Variants in ERBIN observed in about 807,000 individuals in gnomAD.
ERBIN encodes erbb2 interacting protein.
Under a neutral mutation model 158.4 loss-of-function variants are expected in ERBIN, and 60 were observed. That is an observed-to-expected ratio of 0.38 (90% confidence interval 0.31 to 0.47). The LOEUF (loss-of-function observed/expected upper bound fraction) is 0.47. Ranked by LOEUF, ERBIN falls within the 20% of genes least tolerant of loss-of-function variation. The pLI is 0.99. For synonymous variants in ERBIN, 594 were observed against 557.2 expected, an observed-to-expected ratio of 1.07 and a Z score of -0.93; for missense variants, 1,610 against 1,648.0, an observed-to-expected ratio of 0.98 and a Z score of 0.40.
intron 14 of ERBIN, among the ~76,000 whole-genome samples, chr5:66,034,857 A>G (rs1055657372): frequency 6.6e-6 from 1 of 152,206 alleles, no homozygotes; most frequent in Non-Finnish European, 1.5e-5. Context: ...TAATGCAGCA[A>G]AGAGGTCTTG....
intron 14 of ERBIN, among the ~76,000 whole-genome samples, chr5:66,035,216 A>G (rs963325402): frequency 5.9e-5 from 9 of 152,150 alleles, no homozygotes; most frequent in Admixed American, 5.2e-4. Context: ...ATTCTTAACA[A>G]TATCTTCAGC....
intron 4 of ERBIN, 32 bp from the exon 5 acceptor site, chr5:66,012,017 A>G: frequency 7.3e-7 from 1 of 1,375,842 alleles, no homozygotes; most frequent in Non-Finnish European, 1.0e-6. Flanking sequence ...TTTGTAATAG[A>G]TCTTTTAATT....
At chr5:66,036,514 C>T (rs1393594357) in intron 14 of ERBIN, among the ~76,000 whole-genome samples, 6 of 152,186 alleles carry the variant, frequency 3.9e-5, no homozygotes, top group Non-Finnish European at 7.3e-5. Flanking sequence ...CTTTGCTAAT[C>T]ATTCAAGATA....
At chr5:65,987,557 G>C (rs2151033044) in intron 1 of ERBIN, among the ~76,000 whole-genome samples, 1 of 151,856 alleles carries the variant, frequency 6.6e-6, no homozygotes, top group Middle Eastern at 3.4e-3. Context: ...GCAAGACCCT[G>C]TCTCAAAAAA....
At chr5:66,019,364 C>G (rs1385240456) in intron 7 of ERBIN, among the ~76,000 whole-genome samples, 1 of 152,112 alleles carries the variant, frequency 6.6e-6, no homozygotes, top group Non-Finnish European at 1.5e-5. Flanking sequence ...TTAATGCTAC[C>G]TAAAGAATAC....
chr5:66,029,511 C>T (rs1383458341), intron 14 of ERBIN, among the ~76,000 whole-genome samples: 4 of 152,048 alleles, frequency 2.6e-5, no homozygotes, highest in Non-Finnish European at 5.9e-5. Flanking sequence ...TAAAGAAACC[C>T]GCAAGGATTC....
At chr5:66,048,818 G>A (rs1227963122) in intron 19 of ERBIN, 37 bp downstream of exon 19, 2 of 1,224,932 alleles carry the variant, frequency 1.6e-6, no homozygotes, top group African/African-American at 1.6e-5. Flanking sequence ...AATAGAAATT[G>A]CCTCAATAAA....
intron 3 of ERBIN, among the ~76,000 whole-genome samples, chr5:65,994,268 A>T (rs542767680): frequency 1.3e-5 from 2 of 152,296 alleles, no homozygotes; most frequent in African/African-American, 4.8e-5. Flanking sequence ...TCCTTCTCTA[A>T]TCACCACCAG....
In ERBIN at chr5:66,081,732, T is replaced by G. The variant is rs1349298317; in HGVS notation, c.*3202T>G. The stretch of plus-strand genomic sequence containing the variant: ...TGGGAAATGTTTCTCTGATGGAGAT[T>G]GACGTGTGAAATCTATTTGGAAGGG... On this transcript the variant is annotated 3_prime_UTR_variant, in exon 26 of 26. Transcript: ENST00000284037. The G allele has an allele frequency of 6.6e-6, 1 of 152,130 alleles. No individual in the cohort carries two copies. Among genetic ancestry groups the G allele is most frequent in the South Asian group, 2.1e-4 (1 of 4,834 alleles). 9.4% of individuals were successfully genotyped at this position (152,130 alleles called of 1,614,324 possible).
intron 21 of ERBIN, among the ~76,000 whole-genome samples, chr5:66,063,416 C>T (rs185818682): frequency 2.3e-3 from 357 of 152,272 alleles, no homozygotes; most frequent in African/African-American, 7.9e-3. Context: ...AGGAGTGACC[C>T]GATTTTCCAG....
intron 1 of ERBIN, among the ~76,000 whole-genome samples, chr5:65,949,498 A>G (rs1040465621): frequency 4.6e-5 from 7 of 152,238 alleles, no homozygotes; most frequent in South Asian, 4.1e-4. Flanking sequence ...ATGTTGGGAT[A>G]TGAGTGCTGC....
chr5:66,072,649 A>G (rs1761632387), intron 22 of ERBIN, among the ~76,000 whole-genome samples: 1 of 152,166 alleles, frequency 6.6e-6, no homozygotes, highest in Non-Finnish European at 1.5e-5. Flanking sequence ...TCATTCTAGG[A>G]TCTTTTACTA....
intron 19 of ERBIN, among the ~76,000 whole-genome samples, chr5:66,050,112 T>C (rs1758866895): frequency 6.6e-6 from 1 of 152,094 alleles, no homozygotes; most frequent in South Asian, 2.1e-4. Flanking sequence ...TGTAAATGAA[T>C]TTTCATTATC....
intron 7 of ERBIN, among the ~76,000 whole-genome samples, chr5:66,018,729 C>A (rs991177331): frequency 1.4e-5 from 2 of 145,520 alleles, no homozygotes; most frequent in Non-Finnish European, 3.0e-5. Flanking sequence ...CTCTATCTCC[C>A]GGGTCCACGC....
chr5:66,074,757 T>C (rs1682124075), intron 22 of ERBIN, among the ~76,000 whole-genome samples: 1 of 152,144 alleles, frequency 6.6e-6, no homozygotes, highest in African/African-American at 2.4e-5. Context: ...AGCAAGTAAT[T>C]TAAAATGTAG....
Position 66,082,008 on chromosome 5 carries a change from A to C in ERBIN, c.*3478A>C, listed in dbSNP as rs563974031. On this transcript the variant is annotated 3_prime_UTR_variant, in exon 26 of 26. Coordinates refer to ENST00000284037, the MANE Select transcript of ERBIN (RefSeq NM_001253697.2). ...GAAAAAGTTGACCATATTCTACCTA[A>C]AGCTGCTAATTCTTTACAGAATTCA... 127 of 152,296 alleles carry C rather than the reference A, an allele frequency of 8.3e-4. No homozygotes were observed. Among genetic ancestry groups the C allele is most frequent in the African/African-American group, 3.0e-3 (125 of 41,576 alleles). The allele number at this position is 152,296 out of a possible 1,614,324, so 9.4% of individuals were successfully genotyped here. A position where few individuals can be genotyped will look rare whatever the true frequency, so the allele number is the denominator to read the frequency against.
intron 17 of ERBIN, among the ~76,000 whole-genome samples, 165 bp downstream of exon 17, chr5:66,044,475 G>A (rs1345844994): frequency 6.6e-6 from 1 of 152,096 alleles, no homozygotes; most frequent in Non-Finnish European, 1.5e-5. Context: ...TCCTATAAGA[G>A]TATAAGGGGC....
chr5:66,013,473 T>C (rs1754418863), intron 5 of ERBIN, 76 bp from the exon 6 acceptor site: 1 of 1,035,452 alleles, frequency 9.7e-7, no homozygotes, highest in Non-Finnish European at 1.5e-6. Flanking sequence ...GGAAAATATC[T>C]TGTGAGAGTC....
chr5:66,072,396 G>A (rs1761611109), intron 22 of ERBIN, 105 bp downstream of exon 22: 4 of 1,146,614 alleles, frequency 3.5e-6, no homozygotes, highest in Middle Eastern at 4.1e-4. Context: ...TTTTTTGAGG[G>A]CTTTCCCCCC....
Sources: allele counts gnomAD v4.1 joint callset (sites outside exome capture counted in the v4.1 genomes callset), GRCh38; gene constraint gnomAD v4.1.1; transcripts MANE v1.5; gene names NCBI Gene and HGNC (gene_info 2026-07-23, HGNC 2026-07-21).